The following RAB3B variants were observed in gnomAD, a reference collection of about 807,000 sequenced individuals.
The protein encoded by RAB3B is ras-related protein Rab-3B.
A neutral mutation model predicts 20.5 loss-of-function variants in RAB3B; 11 were observed. The ratio of observed to expected loss-of-function variants is 0.54; its 90% CI spans 0.34 to 0.89. RAB3B has a LOEUF of 0.89. Ranked by LOEUF, RAB3B falls within the 40% of genes least tolerant of loss-of-function variation. The pLI is 0.02. For synonymous variants in RAB3B, 99 were observed against 106.3 expected (o/e 0.93, Z 0.42); for missense variants, 225 against 280.9 (o/e 0.80, Z 1.42).
chr1:51,953,988 T>A (rs563409940), intron 2 of RAB3B, among the ~76,000 whole-genome samples: 1 of 152,292 alleles, frequency 6.6e-6, no homozygotes, highest in South Asian at 2.1e-4. Flanking sequence ...CTACCGAGAA[T>A]CTGTCTAAAG....
intron 1 of RAB3B, among the ~76,000 whole-genome samples, chr1:51,986,241 C>A (rs1055366095): frequency 3.8e-4 from 58 of 151,574 alleles, no homozygotes; most frequent in African/African-American, 1.3e-3. Flanking sequence ...AGCTCCGCCT[C>A]CCGGGTTCAC....
intron 2 of RAB3B, among the ~76,000 whole-genome samples, chr1:51,951,237 A>T (rs1411251045): frequency 6.6e-6 from 1 of 151,656 alleles, no homozygotes; most frequent in African/African-American, 2.4e-5. Context: ...TTGGGGTATG[A>T]CTGATCCCAT....
intron 2 of RAB3B, among the ~76,000 whole-genome samples, chr1:51,963,049 G>T (rs1259481478): frequency 2.0e-5 from 3 of 152,028 alleles, no homozygotes; most frequent in African/African-American, 7.3e-5. Flanking sequence ...ATAATTCTTG[G>T]TGATTTCAAT....
intron 3 of RAB3B, among the ~76,000 whole-genome samples, chr1:51,934,075 C>A (rs2124250824): frequency 6.6e-6 from 1 of 152,314 alleles, no homozygotes; most frequent in East Asian, 1.9e-4. Context: ...GGTATTTGAT[C>A]ACAATGAATC....
In RAB3B at chr1:51,983,314, T is replaced by G. The variant is rs533057514; in HGVS notation, c.1-6197A>C. 5.9e-5 allele frequency among the ~76,000 whole-genome samples: 9 copies of G among 152,124 alleles called. No individual in the cohort carries two copies. In the South Asian group the frequency reaches 1.9e-3, roughly 32 times the overall value. On this transcript the variant is annotated intron_variant, in intron 1 of 4. Transcript: ENST00000371655. ...TCCAGCTTGGGTGATAGAGCCAGAC[T>G]TGGTCTCAAAAAAAAAAACCATCAT...
At position 51,916,057 on chromosome 1, in the gene RAB3B, C is replaced by T. The variant is rs1199811410; in HGVS notation, c.*3870G>A. ...GGAAGATTAAATCCAGGACAAGTTG[C>T]CACTAACACATATTACACAGCTTGA... On this transcript the variant is annotated 3_prime_UTR_variant, in exon 5 of 5. Coordinates refer to ENST00000371655, the MANE Select transcript of RAB3B (RefSeq NM_002867.4). The T allele has an allele frequency of 6.6e-6, 1 of 152,188 alleles. No homozygotes were observed. The highest frequency in any genetic ancestry group is 1.5e-5 in the Non-Finnish European group (1 of 68,038). The allele number at this position is 152,188 out of a possible 1,614,324, so 9.4% of individuals were successfully genotyped here. A position where few individuals can be genotyped will look rare whatever the true frequency, so the allele number is the denominator to read the frequency against.
chr1:51,988,142 T>C (rs569417435), intron 1 of RAB3B, among the ~76,000 whole-genome samples: 9 of 152,316 alleles, frequency 5.9e-5, no homozygotes, highest in African/African-American at 1.7e-4. Flanking sequence ...AGGTCAACTG[T>C]ATATGCAATA....
In RAB3B at chr1:51,918,445, G is replaced by A. The variant is rs1342484132; in HGVS notation, c.*1482C>T. ...GCAAGTCCCAGGAGTCATGATTCCT[G>A]TTCTCAAATAGTCTGAAGACGTCAC... On this transcript the variant is annotated 3_prime_UTR_variant, in exon 5 of 5. Transcript: ENST00000371655. 2 of 152,242 alleles carry A rather than the reference G, an allele frequency of 1.3e-5. No homozygotes were observed. The highest frequency in any genetic ancestry group is 2.9e-5 in the Non-Finnish European group (2 of 68,056). The allele number at this position is 152,242 out of a possible 1,614,324, so 9.4% of individuals were successfully genotyped here. A position where few individuals can be genotyped will look rare whatever the true frequency, so the allele number is the denominator to read the frequency against.
chr1:51,940,492 G>A (rs772723993), intron 2 of RAB3B, among the ~76,000 whole-genome samples: 2 of 152,018 alleles, frequency 1.3e-5, no homozygotes, highest in African/African-American at 4.8e-5. Context: ...GTGTAGTGGT[G>A]TACACCTGTA....
At chr1:51,987,703 C>T (rs745950757) in intron 1 of RAB3B, among the ~76,000 whole-genome samples, 14 of 152,148 alleles carry the variant, frequency 9.2e-5, no homozygotes, top group Admixed American at 4.6e-4. Flanking sequence ...GGTTATACAT[C>T]TAGAATAGTA....
intron 2 of RAB3B, among the ~76,000 whole-genome samples, chr1:51,970,848 AC>A (rs1571976810): frequency 6.7e-6 from 1 of 149,834 alleles, no homozygotes; most frequent in African/African-American, 2.5e-5. Context: ...TACTAAAAAT[AC>A]AAAAAAAAAA....
intron 2 of RAB3B, among the ~76,000 whole-genome samples, chr1:51,967,569 T>C (rs1428838738): frequency 1.4e-5 from 2 of 140,358 alleles, no homozygotes; most frequent in African/African-American, 5.2e-5. Flanking sequence ...TCACCCAGGC[T>C]GGAGTGCAGT....
At chr1:51,973,895 G>A (rs2124307909) in intron 2 of RAB3B, among the ~76,000 whole-genome samples, 1 of 152,252 alleles carries the variant, frequency 6.6e-6, no homozygotes, top group East Asian at 1.9e-4. Context: ...TGATATGGGG[G>A]TCAAACAAAG....
intron 2 of RAB3B, among the ~76,000 whole-genome samples, chr1:51,949,029 C>T (rs1394581903): frequency 3.3e-5 from 5 of 152,160 alleles, no homozygotes; most frequent in Non-Finnish European, 4.4e-5. Context: ...TTCCCATCTC[C>T]GTCTGCTGGC....
At chr1:51,920,724 T>C (rs1375107200) in intron 4 of RAB3B, among the ~76,000 whole-genome samples, 2 of 152,084 alleles carry the variant, frequency 1.3e-5, no homozygotes, top group Admixed American at 1.3e-4. Context: ...GTTTTGGACT[T>C]TTTCGCAGGG....
intron 2 of RAB3B, among the ~76,000 whole-genome samples, chr1:51,951,939 C>T (rs1684647445): frequency 1.3e-5 from 2 of 152,214 alleles, no homozygotes; most frequent in African/African-American, 4.8e-5. Flanking sequence ...CGCCTCCCTG[C>T]CCTCTGTAAT....
chr1:51,953,538 T>G (rs1684668007), intron 2 of RAB3B, among the ~76,000 whole-genome samples: 1 of 152,212 alleles, frequency 6.6e-6, no homozygotes, highest in South Asian at 2.1e-4. Context: ...GCACGGTGGC[T>G]TGCTCCTGTA....
intron 1 of RAB3B, among the ~76,000 whole-genome samples, chr1:51,982,602 A>T (rs1240808707): frequency 1.3e-5 from 2 of 151,938 alleles, no homozygotes; most frequent in South Asian, 4.1e-4. Flanking sequence ...AAAATACAAA[A>T]ATTAGCCAGG....
In RAB3B at chr1:51,967,521, CT is replaced by C. The variant is rs71041868; in HGVS notation, c.228+9368del. 4.9e-4 allele frequency among the ~76,000 whole-genome samples: 18 copies of C among 36,514 alleles called. 1 individual carries two copies. In the East Asian group the frequency reaches 9.1e-3, roughly 19 times the overall value. The allele number at this position is 36,514 out of a possible 152,430, so 24.0% of individuals were successfully genotyped here. ...TTCCTTTTTCTTTTCTTTTCTTTTT[CT>C]TTTTTTTTTTTTTTTTTGAGATAGG... On this transcript the variant is annotated intron_variant, in intron 2 of 4. Coordinates refer to ENST00000371655, the MANE Select transcript of RAB3B (RefSeq NM_002867.4).
Sources: gnomAD v4.1 joint callset for allele counts (sites outside exome capture counted in the v4.1 genomes callset) on GRCh38, gnomAD v4.1.1 for gene constraint, MANE v1.5 for transcripts, NCBI Gene and HGNC (gene_info 2026-07-23, HGNC 2026-07-21) for gene names.